PCTP: variants seen among roughly 807,000 people sequenced by gnomAD.
The protein encoded by PCTP is phosphatidylcholine transfer protein, also known as START domain-containing protein 2.
A neutral mutation model predicts 31.0 loss-of-function variants in PCTP; 27 were observed. The ratio of observed to expected loss-of-function variants is 0.87; its 90% CI spans 0.64 to 1.20. The LOEUF is 1.20. Ranked by LOEUF, PCTP falls within the 50% of genes most tolerant of loss-of-function variation. The pLI is 0.00. For synonymous variants in PCTP, 108 were observed against 101.2 expected, an observed-to-expected ratio of 1.07 and a Z score of -0.40; for missense variants, 287 against 268.2, an observed-to-expected ratio of 1.07 and a Z score of -0.49.
At chr17:55,760,869 C>A (rs1910307803) in intron 1 of PCTP, among the ~76,000 whole-genome samples, 1 of 152,134 alleles carries the variant, frequency 6.6e-6, no homozygotes. Flanking sequence ...GGCTTTGCCA[C>A]CAACAGCGTC....
intron 1 of PCTP, among the ~76,000 whole-genome samples, chr17:55,752,928 A>C (rs1003461767): frequency 2.0e-5 from 3 of 152,180 alleles, no homozygotes; most frequent in Non-Finnish European, 4.4e-5. Flanking sequence ...TATTTTTTAG[A>C]GATGAGGCCT....
chr17:55,774,885 G>A (rs776505267), intron 5 of PCTP, 26 bp downstream of exon 5: 7 of 564,548 alleles, frequency 1.2e-5, no homozygotes, highest in Admixed American at 2.1e-5. Flanking sequence ...GTGGGGCGGG[G>A]GGAGGGATGG....
Position 55,751,120 on chromosome 17 carries a change from G to A in PCTP, c.17G>A (p.Gly6Glu). Residue 6 changes from glycine to glutamate, a missense_variant, in exon 1 of 6, where the codon GGA becomes GAA. Transcript: ENST00000268896. MELAAGSFSEEQFWEA... is the reference protein window; with the variant it reads MELAAESFSEEQFWEA... ...TGCGGAAGGATGGAGCTGGCCGCCG[G>A]AAGCTTCTCGGAGGAGCAGTTCTGG... The A allele has an allele frequency of 6.5e-7, 1 of 1,542,208 alleles. No individual in the cohort carries two copies. The highest frequency in any genetic ancestry group is 2.5e-5 in the East Asian group (1 of 40,704).
chr17:55,753,347 T>C (rs1419678444), intron 1 of PCTP, among the ~76,000 whole-genome samples: 1 of 152,190 alleles, frequency 6.6e-6, no homozygotes, highest in Non-Finnish European at 1.5e-5. Flanking sequence ...CAGTGGCCTA[T>C]TGATTGCAGA....
At chr17:55,836,622 G>A (rs1055783952) in intron 5 of PCTP, among the ~76,000 whole-genome samples, 4 of 152,130 alleles carry the variant, frequency 2.6e-5, no homozygotes, top group Admixed American at 6.5e-5. Context: ...AGTTCTTCCC[G>A]GGCCTAGGGC....
intron 1 of PCTP, 46 bp downstream of exon 1, chr17:55,751,290 G>A: frequency 2.0e-6 from 3 of 1,519,808 alleles, no homozygotes; most frequent in Non-Finnish European, 1.8e-6. Context: ...GAATGCGCCG[G>A]GGTCGACCTC....
intron 5 of PCTP, among the ~76,000 whole-genome samples, chr17:55,839,914 A>T (rs1016413446): frequency 8.4e-6 from 1 of 118,354 alleles, no homozygotes; most frequent in African/African-American, 3.6e-5. Context: ...AGCGAGACTC[A>T]GTCTCAAAAA....
intron 5 of PCTP, among the ~76,000 whole-genome samples, chr17:55,841,827 T>A (rs1905991387): frequency 6.6e-6 from 1 of 152,246 alleles, no homozygotes; most frequent in Non-Finnish European, 1.5e-5. Flanking sequence ...ATTCTCATTC[T>A]GGCTGACTGT....
At position 55,773,822 on chromosome 17, in the gene PCTP, G is replaced by T. The variant is rs1272271255; in HGVS notation, c.438G>T (p.Arg146Ser). Residue 146 changes from arginine (R) to serine (S), a missense_variant, in exon 4 of 6, where the codon AGG becomes AGT. Transcript: ENST00000268896. ...CCTCCATGCCTCAGCTTGGCGAGAGGTCTGGGGTGATCCGGGTGAAGCAAT... is the reference window on the plus strand; with the variant it reads ...CCTCCATGCCTCAGCTTGGCGAGAGTTCTGGGGTGATCCGGGTGAAGCAAT... ...RSTSMPQLGE[R>S]SGVIRVKQYK... The T allele has an allele frequency of 2.5e-6, 4 of 1,613,506 alleles. No homozygotes were observed. The highest frequency in any genetic ancestry group is 3.4e-6 in the Non-Finnish European group (4 of 1,179,854).
At chr17:55,815,969 T>G (rs1038987172) in intron 3 of PCTP, among the ~76,000 whole-genome samples, 14 of 152,190 alleles carry the variant, frequency 9.2e-5, no homozygotes, top group African/African-American at 3.4e-4. Context: ...TTACACAGTT[T>G]TGGATTTCCC....
chr17:55,808,259 C>G (rs1912638551), intron 3 of PCTP, among the ~76,000 whole-genome samples: 1 of 152,134 alleles, frequency 6.6e-6, no homozygotes. Flanking sequence ...GCATAAAATG[C>G]CTTTACAACT....
Position 55,800,274 on chromosome 17 carries a change from T to C in PCTP, c.317+12620T>C, listed in dbSNP as rs368194967. 6.6e-4 allele frequency among the ~76,000 whole-genome samples: 101 copies of C among 152,130 alleles called. 2 individuals carry two copies. The South Asian group carries it at 0.02, about 30-fold the overall frequency. On this transcript the variant is annotated intron_variant, in intron 3 of 3. Coordinates refer to the PCTP transcript ENST00000572536. ...TTTCTCAGAGGTTTTGTTTGTTCCT[T>C]TTCATTCTTTTTTCTGTAATCTTGG...
chr17:55,829,689 AAC>A (rs3083340), intron 5 of PCTP, among the ~76,000 whole-genome samples: 2,301 of 145,982 alleles, frequency 0.016, 31 homozygotes, highest in African/African-American at 0.031. Context: ...TAATAATTTA[AAC>A]ACACACACAC....
intron 3 of PCTP, among the ~76,000 whole-genome samples, chr17:55,801,042 C>T (rs1026970305): frequency 4.0e-4 from 61 of 152,148 alleles, no homozygotes; most frequent in Non-Finnish European, 3.4e-4. Flanking sequence ...CTGGAACTCT[C>T]CTGTATGAAG....
At chr17:55,836,670 C>T (rs1340555589) in intron 5 of PCTP, among the ~76,000 whole-genome samples, 3 of 152,212 alleles carry the variant, frequency 2.0e-5, no homozygotes, top group Non-Finnish European at 4.4e-5. Context: ...ATGTTAGCTT[C>T]AACTCCATAC....
At chr17:55,775,908 T>C in intron 5 of PCTP, 127 bp from the exon 6 acceptor site, 1 of 1,448,094 alleles carries the variant, frequency 6.9e-7, no homozygotes, top group Non-Finnish European at 9.1e-7. Flanking sequence ...TCTGTTGAAA[T>C]CCAGTTAGGG....
At position 55,775,501 on chromosome 17, in the gene PCTP, C is replaced by G. The variant is rs1006378846; in HGVS notation, c.580-534C>G. The G allele has an allele frequency of 1.8e-5, 21 of 1,196,790 alleles. No individual in the cohort carries two copies. In the Admixed American group the frequency reaches 3.8e-4, roughly 22 times the overall value. 74.1% of individuals were successfully genotyped at this position (1,196,790 alleles called of 1,614,324 possible). A position where few individuals can be genotyped will look rare whatever the true frequency, so the allele number is the denominator to read the frequency against. On this transcript the variant is annotated intron_variant, in intron 5 of 5. Coordinates refer to ENST00000268896, the MANE Select transcript of PCTP (RefSeq NM_021213.4). ...AAATCCTGGCTCTGCTACTGACTGTCTTGTTTTATTTAAGGAAGCCATGCA... is the reference window on the plus strand; with the variant it reads ...AAATCCTGGCTCTGCTACTGACTGTGTTGTTTTATTTAAGGAAGCCATGCA...
intron 2 of PCTP, among the ~76,000 whole-genome samples, chr17:55,768,413 T>C (rs1346247945): frequency 6.6e-6 from 1 of 152,040 alleles, no homozygotes; most frequent in Non-Finnish European, 1.5e-5. Context: ...AGAATACATG[T>C]ATGTGAGGAG....
intron 1 of PCTP, among the ~76,000 whole-genome samples, chr17:55,764,863 GTTTC>G (rs1910553473): frequency 6.6e-6 from 1 of 152,296 alleles, no homozygotes; most frequent in African/African-American, 2.4e-5. Flanking sequence ...TCGTTCATTT[GTTTC>G]TTTGCCTTTG....
Sources: allele counts gnomAD v4.1 joint callset (sites outside exome capture counted in the v4.1 genomes callset), GRCh38; gene constraint gnomAD v4.1.1; transcripts MANE v1.5; gene names NCBI Gene and HGNC (gene_info 2026-07-23, HGNC 2026-07-21).